SPAG16: variants seen among roughly 807,000 people sequenced by gnomAD.
SPAG16 encodes the protein sperm-associated antigen 16 protein.
In SPAG16, 86 loss-of-function variants were observed where a neutral mutation model predicts 80.4. The observed-to-expected ratio is 1.07, with a 90% CI of 0.90 to 1.28. The LOEUF (loss-of-function observed/expected upper bound fraction) is 1.28. Among genes scored for constraint, SPAG16 ranks in the 50% most tolerant of loss-of-function variants. The pLI is 0.00. For synonymous variants in SPAG16, 294 were observed against 265.9 expected (o/e 1.11, Z -1.03); for missense variants, 870 against 765.3 (o/e 1.14, Z -1.61).
intron 15 of SPAG16, among the ~76,000 whole-genome samples, chr2:214,234,761 C>T (rs137871324): frequency 6.6e-6 from 1 of 152,004 alleles, no homozygotes; most frequent in African/African-American, 2.4e-5. Context: ...TTTCAACAAA[C>T]TTTTGTTGAG....
At position 213,967,366 on chromosome 2, in the gene SPAG16, A is replaced by C. The variant is rs547518266; in HGVS notation, c.1400+37221A>C. On this transcript the variant is annotated intron_variant, in intron 12 of 15. Transcript: ENST00000331683. ...TTTTCTATCACTTTGAATTTTGCTC[A>C]ATAACACCCCTCAAATTCAACAAAG... 5.3e-5 allele frequency among the ~76,000 whole-genome samples: 8 copies of C among 152,302 alleles called. No homozygotes were observed. The East Asian group carries it at 1.5e-3, about 29-fold the overall frequency.
At chr2:213,378,108 G>T (rs961948620) in intron 9 of SPAG16, among the ~76,000 whole-genome samples, 5 of 152,026 alleles carry the variant, frequency 3.3e-5, no homozygotes, top group South Asian at 2.1e-4. Context: ...AAAGATGTAG[G>T]CTGGGAGGCT....
chr2:213,364,125 AC>A lies in SPAG16; in HGVS notation c.814del (p.His272MetfsTer38). 1 of 1,517,886 alleles carries A rather than the reference AC, an allele frequency of 6.6e-7. No individual in the cohort carries two copies. Among genetic ancestry groups the A allele is most frequent in the Non-Finnish European group, 8.8e-7 (1 of 1,133,546 alleles). The allele number at this position is 1,517,886 out of a possible 1,614,324, so 94.0% of individuals were successfully genotyped here. On this transcript the variant is annotated frameshift_variant, in exon 8 of 16. Transcript: ENST00000331683. LOFTEE classifies it high-confidence loss of function. Reference protein sequence around the residue: ...TLKKLQRGHSYHGPQIKVDHS... With the variant: ...TLKKLQRGHSXHGPQIKVDHS... ...AAGAAACTGCAAAGAGGACATAGTT[AC>A]CATGGTCCTCAAATTAAAGGTAAAT...
intron 9 of SPAG16, among the ~76,000 whole-genome samples, chr2:213,375,731 A>T (rs1381807211): frequency 6.6e-6 from 1 of 152,018 alleles, no homozygotes; most frequent in Non-Finnish European, 1.5e-5. Flanking sequence ...ATTTTCTTGT[A>T]AGGCAGTTGT....
At chr2:213,955,191 T>C (rs1377823331) in intron 12 of SPAG16, among the ~76,000 whole-genome samples, 1 of 152,170 alleles carries the variant, frequency 6.6e-6, no homozygotes, top group Non-Finnish European at 1.5e-5. Flanking sequence ...AATAAATTTA[T>C]AATTTCTTCA....
At chr2:214,324,403 T>C (rs1452185032) in intron 15 of SPAG16, among the ~76,000 whole-genome samples, 1 of 152,232 alleles carries the variant, frequency 6.6e-6, no homozygotes, top group Non-Finnish European at 1.5e-5. Context: ...TAATAGGAAC[T>C]TCTGTTTTCA....
chr2:213,729,421 C>T (rs959714699), intron 10 of SPAG16, among the ~76,000 whole-genome samples: 6 of 152,130 alleles, frequency 3.9e-5, no homozygotes, highest in African/African-American at 1.4e-4. Context: ...TACATATAAG[C>T]ACTGTAAGCA....
chr2:213,799,872 C>A (rs1234576563), intron 10 of SPAG16, among the ~76,000 whole-genome samples: 3 of 147,102 alleles, frequency 2.0e-5, no homozygotes, highest in Non-Finnish European at 3.0e-5. Context: ...ATAACAACAA[C>A]AAAATCAGCA....
chr2:214,072,187 A>T (rs2050818421), intron 13 of SPAG16, among the ~76,000 whole-genome samples: 1 of 152,122 alleles, frequency 6.6e-6, no homozygotes, highest in Admixed American at 6.6e-5. Context: ...TGCACCTGTT[A>T]TATGAGAGAA....
chr2:214,260,414 T>C (rs772465023), intron 15 of SPAG16, among the ~76,000 whole-genome samples: 6 of 152,084 alleles, frequency 3.9e-5, no homozygotes, highest in Non-Finnish European at 8.8e-5. Flanking sequence ...AAGGTAATAG[T>C]AAATTTGGTA....
At chr2:214,208,192 T>G (rs992318582) in intron 15 of SPAG16, among the ~76,000 whole-genome samples, 6 of 152,216 alleles carry the variant, frequency 3.9e-5, no homozygotes, top group African/African-American at 1.4e-4. Flanking sequence ...ATCTGTATTA[T>G]GTTGTCTTTT....
chr2:214,248,876 C>G (rs575590193), intron 15 of SPAG16, among the ~76,000 whole-genome samples: 25 of 152,030 alleles, frequency 1.6e-4, no homozygotes, highest in African/African-American at 6.0e-4. Flanking sequence ...AAAACTGGAA[C>G]GATCTGATGA....
At position 213,572,912 on chromosome 2, in the gene SPAG16, C is replaced by G. The variant is rs543356137; in HGVS notation, c.1070+82822C>G. On this transcript the variant is annotated intron_variant, in intron 10 of 15. Coordinates refer to ENST00000331683, the MANE Select transcript of SPAG16 (RefSeq NM_024532.5). ...GAGACTCCGTGGGCGTAGGACCCTC[C>G]GAGCCAGGTGTGGGATGTAATCTCA... is the stretch of plus-strand genomic sequence containing the variant. 6.6e-5 allele frequency among the ~76,000 whole-genome samples: 10 copies of G among 152,258 alleles called. No homozygotes were observed. The East Asian group carries it at 1.5e-3, about 24-fold the overall frequency.
At chr2:213,740,103 A>G (rs868088724) in intron 10 of SPAG16, among the ~76,000 whole-genome samples, 15 of 152,292 alleles carry the variant, frequency 9.8e-5, no homozygotes, top group Middle Eastern at 6.8e-3. Flanking sequence ...CTGAAAAATC[A>G]TATTACATTA....
Position 214,052,774 on chromosome 2 carries a change from TG to T in SPAG16, c.1527+38698del, listed in dbSNP as rs1482389443. Among the ~76,000 whole-genome samples the T allele has an allele frequency of 2.0e-5, 3 of 152,288 alleles. No individual in the cohort carries two copies. In the East Asian group the frequency reaches 5.8e-4, roughly 29 times the overall value. On this transcript the variant is annotated intron_variant, in intron 13 of 15. Coordinates refer to ENST00000331683, the MANE Select transcript of SPAG16 (RefSeq NM_024532.5). ...TTTCTTCTCATACTTCCCCTCTGTT[TG>T]CTCCTTACAGCAAAGTTCCATCAAA...
intron 1 of SPAG16, among the ~76,000 whole-genome samples, chr2:213,288,391 G>C (rs1170518554): frequency 6.6e-6 from 1 of 152,084 alleles, no homozygotes; most frequent in Non-Finnish European, 1.5e-5. Context: ...TGCAAGCTCT[G>C]CCTCCCGGAT....
intron 9 of SPAG16, among the ~76,000 whole-genome samples, chr2:213,383,972 C>T (rs1203718242): frequency 2.0e-5 from 3 of 152,174 alleles, no homozygotes; most frequent in Non-Finnish European, 2.9e-5. Context: ...GGATCAATGA[C>T]TACACACGAT....
intron 10 of SPAG16, among the ~76,000 whole-genome samples, chr2:213,574,460 C>G (rs16850469): frequency 6.6e-6 from 1 of 151,800 alleles, no homozygotes; most frequent in East Asian, 1.9e-4. Context: ...ATTTAAGGAG[C>G]TAAACATGGT....
intron 15 of SPAG16, among the ~76,000 whole-genome samples, chr2:214,170,762 A>C (rs1002303306): frequency 1.9e-4 from 29 of 152,136 alleles, no homozygotes; most frequent in African/African-American, 6.5e-4. Flanking sequence ...ATTTGATTAC[A>C]TGACATGTTG....
Sources: allele counts gnomAD v4.1 joint callset (sites outside exome capture counted in the v4.1 genomes callset), GRCh38; gene constraint gnomAD v4.1.1; transcripts MANE v1.5; gene names NCBI Gene and HGNC (gene_info 2026-07-23, HGNC 2026-07-21).